The following NALF2 variants were observed in gnomAD, a reference collection of about 807,000 sequenced individuals.
NALF2 encodes bB57D9.1 (TED protein).
In NALF2, 1 loss-of-function variant was observed where a neutral mutation model predicts 24.8. That is an observed-to-expected ratio of 0.04 (90% CI 0.01 to 0.19). The LOEUF (loss-of-function observed/expected upper bound fraction) is 0.19. Among genes scored for constraint, NALF2 ranks in the 10% least tolerant of loss-of-function variants. The pLI, the probability that NALF2 is intolerant of heterozygous loss-of-function variation, is 1.00. For missense variants in NALF2, 458 were observed against 409.6 expected (o/e 1.12, Z -1.02); for synonymous variants, 254 against 189.8 (o/e 1.34, Z -2.78).
intron 1 of NALF2, among the ~76,000 whole-genome samples, chrX:69,525,792 A>C (rs1930798821): frequency 1.0e-5 from 1 of 98,707 alleles, no homozygotes; most frequent in Non-Finnish European, 2.0e-5. Flanking sequence ...GTTGTTTCCT[A>C]CCCCCACTAT....
intron 1 of NALF2, among the ~76,000 whole-genome samples, chrX:69,512,660 A>G (rs1226662045): frequency 3.6e-5 from 4 of 112,135 alleles, no homozygotes; most frequent in Non-Finnish European, 7.5e-5. Context: ...GGCAGGCACT[A>G]TCATGATTCC....
In NALF2 at chrX:69,506,123, T is replaced by G. The variant is rs753066417; in HGVS notation, c.841T>G (p.Ser281Ala). ...YLQAEEYSIR[S>A]CTKGCKAVYK... ...ACAGGCGGAAGAGTACTCAATCCGG[T>G]CCTGCACGAAAGGCTGTAAGGTAAG... The change falls in exon 1 of 3, where the codon TCC becomes GCC. Residue 281 changes from serine (S) to alanine (A), a missense_variant. Transcript: ENST00000252338. 1.7e-6 allele frequency: 2 copies of G among 1,206,263 alleles called. No homozygotes were observed. Among genetic ancestry groups the G allele is most frequent in the Admixed American group, 4.4e-5 (2 of 45,563 alleles).
Position 69,505,753 on chromosome X carries a change from C to T in NALF2, c.471C>T (p.Phe157=), listed in dbSNP as rs144542226. The change falls in exon 1 of 3, where the codon TTC becomes TTT. Residue 157 remains phenylalanine, a synonymous_variant. Transcript: ENST00000252338. ...AATTGCAATCTTTGCAGAGACTTTT[C>T]GAACCGACTACTCCGGCCCCCCCTC... ...CTKLQSLQRL[F]EPTTPAPPLR... The T allele has an allele frequency of 2.3e-4, 276 of 1,209,883 alleles. No individual in the cohort carries two copies. Among genetic ancestry groups the T allele is most frequent in the Non-Finnish European group, 3.0e-4 (264 of 894,904 alleles).
In NALF2 at chrX:69,505,497, G is replaced by C; in HGVS notation, c.215G>C (p.Arg72Thr). Residue 72 changes from arginine to threonine, a missense_variant, in exon 1 of 3, where the codon AGG (arginine) becomes ACG (threonine). Transcript: ENST00000252338. ...WLCAGARPRA[R>T]ELSSAMRPPW... ...TGCGCGGGGGCCCGGCCCCGGGCCA[G>C]GGAGCTGAGCAGCGCCATGCGGCCC... is the stretch of plus-strand genomic sequence containing the variant. 9.3e-7 allele frequency: 1 copy of C among 1,080,476 alleles called. No homozygotes were observed. The highest frequency in any genetic ancestry group is 1.2e-6 in the Non-Finnish European group (1 of 836,638). 89.0% of individuals were successfully genotyped at this position (1,080,476 alleles called of 1,213,427 possible).
Position 69,530,230 on chromosome X carries a change from A to C in NALF2, c.*274A>C. On this transcript the variant is annotated 3_prime_UTR_variant, in exon 3 of 3. Coordinates refer to ENST00000252338, the MANE Select transcript of NALF2 (RefSeq NM_015686.3). Reference sequence around the variant, plus strand: ...CTCCCATCTATGGGGCTTAGCAAAAAAAGGGAGGAAGTGGGGGCTGGATAT... The same window carrying C: ...CTCCCATCTATGGGGCTTAGCAAAACAAGGGAGGAAGTGGGGGCTGGATAT... The C allele has an allele frequency of 6.9e-6, 2 of 288,517 alleles. No individual in the cohort carries two copies. Among genetic ancestry groups the C allele is most frequent in the East Asian group, 5.8e-5 (1 of 17,377 alleles). 23.8% of individuals were successfully genotyped at this position (288,517 alleles called of 1,213,427 possible). A position where few individuals can be genotyped will look rare whatever the true frequency, so the allele number is the denominator to read the frequency against.
Position 69,530,022 on chromosome X carries a change from G to GT in NALF2, c.*66_*67insT, listed in dbSNP as rs1444313306. 7 of 893,032 alleles carry GT rather than the reference G, an allele frequency of 7.8e-6. No homozygotes were observed. The Admixed American group carries it at 1.2e-4, about 16-fold the overall frequency. The allele number at this position is 893,032 out of a possible 1,213,427, so 73.6% of individuals were successfully genotyped here. On this transcript the variant is annotated 3_prime_UTR_variant, in exon 3 of 3. Coordinates refer to ENST00000252338, the MANE Select transcript of NALF2 (RefSeq NM_015686.3). ...GCTCCAGCTCCCCCAGGTTGGGGGGGAGGGGGCTCCTCCCATGGGAGGTGT... is the reference window on the plus strand; with the variant it reads ...GCTCCAGCTCCCCCAGGTTGGGGGGGTAGGGGGCTCCTCCCATGGGAGGTGT...
chrX:69,505,957 G>A lies in NALF2; in HGVS notation c.675G>A (p.Met225Ile), dbSNP rs758991107. ...TGGACTGTAGCCTGGACACCCTGAT[G>A]GGGGACCTGCTGGCCGTGGTGGCCA... ...DSLDCSLDTL[M>I]GDLLAVVASP... Residue 225 changes from methionine to isoleucine, a missense_variant, in exon 1 of 3, where the codon ATG becomes ATA. Transcript: ENST00000252338. 2 of 1,210,258 alleles carry A rather than the reference G, an allele frequency of 1.7e-6. No individual in the cohort carries two copies. Among genetic ancestry groups the A allele is most frequent in the African/African-American group, 3.5e-5 (2 of 57,258 alleles).
rs1930416444 is a variant in NALF2 at position 69,504,555 on chromosome X, G to C, written c.-728G>C. ...TAAGTAAAGCCCGGTGTCTGCGTCC[G>C]GCGCCTGTGGCGCTGCCGGGAGCCA... is the stretch of plus-strand genomic sequence containing the variant. On this transcript the variant is annotated 5_prime_UTR_variant, in exon 1 of 3. Transcript: ENST00000252338. 8.8e-6 allele frequency among the ~76,000 whole-genome samples: 1 copy of C among 113,026 alleles called. No homozygotes were observed. The highest frequency in any genetic ancestry group is 1.9e-5 in the Non-Finnish European group (1 of 53,138).
At position 69,529,937 on chromosome X, in the gene NALF2, G is replaced by T; in HGVS notation, c.1400G>T (p.Gly467Val). ...GLETLPALEE[G>V]LTREE Reference sequence around the variant, plus strand: ...GAGACACTGCCTGCCCTAGAGGAGGGCCTGACACGGGAAGAGTGACAGTAG... The same window carrying T: ...GAGACACTGCCTGCCCTAGAGGAGGTCCTGACACGGGAAGAGTGACAGTAG... Residue 467 changes from glycine (G) to valine (V), a missense_variant, in exon 3 of 3, where the codon GGC (glycine) becomes GTC (valine). By Grantham distance (109) the Gly-to-Val change is moderately radical (BLOSUM62 -3). Coordinates refer to ENST00000252338, the MANE Select transcript of NALF2 (RefSeq NM_015686.3). The T allele has an allele frequency of 8.3e-7, 1 of 1,201,399 alleles. No individual in the cohort carries two copies. Among genetic ancestry groups the T allele is most frequent in the Non-Finnish European group, 1.1e-6 (1 of 890,193 alleles).
At chrX:69,508,016 C>T (rs1930521505) in intron 1 of NALF2, among the ~76,000 whole-genome samples, 2 of 110,939 alleles carry the variant, frequency 1.8e-5, no homozygotes, top group Non-Finnish European at 3.8e-5. Context: ...CATCTGATCT[C>T]TCCAGTTCAG....
intron 1 of NALF2, among the ~76,000 whole-genome samples, chrX:69,519,766 A>C (rs1240198771): frequency 8.9e-6 from 1 of 112,314 alleles, no homozygotes; most frequent in South Asian, 3.7e-4. Context: ...GTTGAAAAAA[A>C]ATTGGGGATG....
In NALF2 at chrX:69,532,130, C is replaced by T. The variant is rs1930914182; in HGVS notation, c.*2174C>T. 1 of 112,743 alleles carries T rather than the reference C, an allele frequency of 8.9e-6. No individual in the cohort carries two copies. The highest frequency in any genetic ancestry group is 3.2e-5 in the African/African-American group (1 of 30,900). 9.3% of individuals were successfully genotyped at this position (112,743 alleles called of 1,213,427 possible). On this transcript the variant is annotated 3_prime_UTR_variant, in exon 3 of 3. Transcript: ENST00000252338. ...AGGGGAAAGGGGCACCTCACTCCAC[C>T]TCAAAGTCATTTGACTGCCCCCATC...
At chrX:69,508,857 C>T (rs1474087360) in intron 1 of NALF2, among the ~76,000 whole-genome samples, 2 of 112,142 alleles carry the variant, frequency 1.8e-5, no homozygotes, top group South Asian at 3.8e-4. Flanking sequence ...AGACCACAGC[C>T]CCAGGCCAAG....
chrX:69,506,592 C>T (rs891248178), intron 1 of NALF2, among the ~76,000 whole-genome samples: 2 of 113,173 alleles, frequency 1.8e-5, no homozygotes, highest in African/African-American at 6.4e-5. Flanking sequence ...CAACCAAACC[C>T]TCACCCTTTG....
Position 69,530,300 on chromosome X carries a change from C to T in NALF2, c.*344C>T. On this transcript the variant is annotated 3_prime_UTR_variant, in exon 3 of 3. Coordinates refer to ENST00000252338, the MANE Select transcript of NALF2 (RefSeq NM_015686.3). ...CCTGACCCCAGGGAAGGAGGCTGCT[C>T]ACCCAGCCTTGGCCCTGCAGGGAAT... is the stretch of plus-strand genomic sequence containing the variant. 2 of 212,237 alleles carry T rather than the reference C, an allele frequency of 9.4e-6. No individual in the cohort carries two copies. The highest frequency in any genetic ancestry group is 3.2e-4 in the South Asian group (2 of 6,173). 17.5% of individuals were successfully genotyped at this position (212,237 alleles called of 1,213,427 possible).
At position 69,504,420 on chromosome X, in the gene NALF2, A is replaced by G. The variant is rs1930412357; in HGVS notation, c.-863A>G. Among the ~76,000 whole-genome samples the G allele has an allele frequency of 8.8e-6, 1 of 113,394 alleles. No homozygotes were observed. Among genetic ancestry groups the G allele is most frequent in the South Asian group, 3.5e-4 (1 of 2,817 alleles). The stretch of plus-strand genomic sequence containing the variant: ...GGGGCTCTCAAGGTGTTCTCCGCAC[A>G]GCGGAAGATGGCGACAGACTGAGGG... On this transcript the variant is annotated 5_prime_UTR_variant, in exon 1 of 3. Coordinates refer to ENST00000252338, the MANE Select transcript of NALF2 (RefSeq NM_015686.3).
chrX:69,523,373 C>T (rs978729726), intron 1 of NALF2, among the ~76,000 whole-genome samples: 1 of 111,602 alleles, frequency 9.0e-6, no homozygotes, highest in Non-Finnish European at 1.9e-5. Flanking sequence ...GATGCCCTGG[C>T]CAGGGCTGCA....
In NALF2 at chrX:69,504,909, AG is replaced by A. The variant is rs1930430526; in HGVS notation, c.-373del. ...GCGAGCCGGGCGGCCGCCGGCGCGGAGTGAAGTGGCACGGAGCCGAGGGCAG... is the reference window on the plus strand; with the variant it reads ...GCGAGCCGGGCGGCCGCCGGCGCGGATGAAGTGGCACGGAGCCGAGGGCAG... On this transcript the variant is annotated 5_prime_UTR_variant, in exon 1 of 3. In the 5' UTR this introduces an upstream ATG that the reference lacks. Transcript: ENST00000252338. 9.4e-6 allele frequency among the ~76,000 whole-genome samples: 1 copy of A among 106,182 alleles called. No individual in the cohort carries two copies. Among genetic ancestry groups the A allele is most frequent in the African/African-American group, 3.4e-5 (1 of 29,777 alleles). The allele number at this position is 106,182 out of a possible 115,157, so 92.2% of individuals were successfully genotyped here. A position where few individuals can be genotyped will look rare whatever the true frequency, so the allele number is the denominator to read the frequency against.
chrX:69,514,058 C>T (rs1179071246), intron 1 of NALF2, among the ~76,000 whole-genome samples: 9 of 110,478 alleles, frequency 8.1e-5, no homozygotes, highest in Non-Finnish European at 1.5e-4. Context: ...CCGGGCATGG[C>T]GGTGCACACC....
Sources: gnomAD v4.1 joint callset for allele counts (sites outside exome capture counted in the v4.1 genomes callset) on GRCh38, gnomAD v4.1.1 for gene constraint, MANE v1.5 for transcripts, NCBI Gene and HGNC (gene_info 2026-07-23, HGNC 2026-07-21) for gene names.